HTT: variants seen among roughly 807,000 people sequenced by gnomAD.
HTT encodes huntingtin.
A neutral mutation model predicts 362.3 loss-of-function variants in HTT; 104 were observed. The ratio of observed to expected loss-of-function variants is 0.29; its 90% CI spans 0.24 to 0.34. The LOEUF (loss-of-function observed/expected upper bound fraction) is 0.34, where lower values mean the gene tolerates loss of function less well. Ranked by LOEUF, HTT falls within the 10% of genes least tolerant of loss-of-function variation. The pLI is 1.00. For missense variants in HTT, 3,301 were observed against 3,928.6 expected, an observed-to-expected ratio of 0.84 and a Z score of 4.27; for synonymous variants, 1,577 against 1,548.7, an observed-to-expected ratio of 1.02 and a Z score of -0.43.
intron 4 of HTT, 102 bp from the exon 5 acceptor site, chr4:3,105,255 T>C: frequency 1.3e-6 from 1 of 792,892 alleles, no homozygotes; most frequent in Non-Finnish European, 2.1e-6. Flanking sequence ...GCCTTTTCTC[T>C]AAAATTAGAA....
At chr4:3,107,232 G>A (rs1560550036) in intron 5 of HTT, 53 bp from the exon 6 acceptor site, 2 of 1,585,800 alleles carry the variant, frequency 1.3e-6, no homozygotes, top group Non-Finnish European at 1.7e-6. Context: ...AATTGCTTCT[G>A]TTTCTCCTGA....
chr4:3,165,613 T>A (rs932190037), intron 29 of HTT, among the ~76,000 whole-genome samples: 1 of 152,164 alleles, frequency 6.6e-6, no homozygotes, highest in African/African-American at 2.4e-5. Context: ...TTCATTTCTT[T>A]TCACTCTTTT....
Position 3,107,311 on chromosome 4 carries a change from G to T in HTT, c.635G>T (p.Cys212Phe). 2 of 1,614,246 alleles carry T rather than the reference G, an allele frequency of 1.2e-6. No homozygotes were observed. Among genetic ancestry groups the T allele is most frequent in the African/African-American group, 1.3e-5 (1 of 75,068 alleles). Residue 212 changes from cysteine (C) to phenylalanine (F), a missense_variant, in exon 6 of 67, where the codon TGC (cysteine) becomes TTC (phenylalanine). Around this residue, in one of 4 missense-constraint regions of HTT, gnomAD observed 2,316 missense variants for 2,658.5 expected, o/e 0.87. Transcript: ENST00000355072. ...CRPYLVNLLP[C>F]LTRTSKRPEE... ...CCTTACCTGGTGAACCTTCTGCCGT[G>T]CCTGACTCGAACAAGCAAGAGACCC... is the stretch of plus-strand genomic sequence containing the variant.
intron 26 of HTT, among the ~76,000 whole-genome samples, chr4:3,152,813 ATT>A (rs1181564097): frequency 1.7e-4 from 23 of 132,252 alleles, no homozygotes; most frequent in Admixed American, 1.5e-4. Flanking sequence ...TGCCTGGCTA[ATT>A]TTTTTTTTTT....
intron 24 of HTT, among the ~76,000 whole-genome samples, chr4:3,145,818 A>G (rs1716570925): frequency 6.6e-6 from 1 of 152,190 alleles, no homozygotes; most frequent in South Asian, 2.1e-4. Flanking sequence ...GTGTCAGCAA[A>G]TGACCAACTG....
intron 65 of HTT, 21 bp downstream of exon 65, chr4:3,238,630 G>A: frequency 1.3e-6 from 2 of 1,578,004 alleles, no homozygotes; most frequent in Admixed American, 3.5e-5. Flanking sequence ...ATGTGGGATG[G>A]GGATGGAGTG....
chr4:3,154,418 A>G lies in HTT; in HGVS notation c.3624A>G (p.Ala1208=). ...LSPKKGSEAS[A]ASRQSDTSGP... ...CCAAGAAAGGCAGTGAGGCCAGTGC[A>G]GGTAGGAAACAGCGTGGGGAAGGGA... The change falls in exon 27 of 67, where the codon GCA becomes GCG. Residue 1208 remains alanine, a splice_region_variant and synonymous_variant. Transcript: ENST00000355072. 6.2e-7 allele frequency: 1 copy of G among 1,613,672 alleles called. No individual in the cohort carries two copies. Among genetic ancestry groups the G allele is most frequent in the Middle Eastern group, 1.6e-4 (1 of 6,062 alleles).
At chr4:3,114,558 AC>A (rs1305548665) in intron 6 of HTT, among the ~76,000 whole-genome samples, 1 of 152,180 alleles carries the variant, frequency 6.6e-6, no homozygotes, top group Non-Finnish European at 1.5e-5. Context: ...AGAGTCCCCG[AC>A]TCATAGTGCT....
chr4:3,238,732 C>A, intron 65 of HTT, 86 bp from the exon 66 acceptor site: 1 of 850,906 alleles, frequency 1.2e-6, no homozygotes, highest in Non-Finnish European at 1.8e-6. Flanking sequence ...TGCCTCTGGC[C>A]CCCACCCCAC....
intron 40 of HTT, 29 bp downstream of exon 40, chr4:3,189,122 G>C (rs1425454022): frequency 6.2e-7 from 1 of 1,610,720 alleles, no homozygotes; most frequent in African/African-American, 1.3e-5. Context: ...TCTTCCTGGA[G>C]TGTCTCGTTC....
chr4:3,237,648 C>T (rs1455449348), intron 64 of HTT, among the ~76,000 whole-genome samples: 1 of 152,190 alleles, frequency 6.6e-6, no homozygotes, highest in Non-Finnish European at 1.5e-5. Context: ...GAGCGGCTGC[C>T]ATGCCACTGC....
intron 2 of HTT, among the ~76,000 whole-genome samples, chr4:3,093,158 C>T (rs745922107): frequency 5.3e-5 from 8 of 152,096 alleles, no homozygotes; most frequent in Non-Finnish European, 1.2e-4. Flanking sequence ...CTTGCTTGTG[C>T]GGAAATGACC....
intron 31 of HTT, among the ~76,000 whole-genome samples, chr4:3,173,445 A>G (rs1175764854): frequency 1.3e-5 from 2 of 152,176 alleles, no homozygotes; most frequent in African/African-American, 2.4e-5. Flanking sequence ...TCAGCAAACC[A>G]GAATGCAGTT....
intron 6 of HTT, chr4:3,112,960 C>G: frequency 1.0e-5 from 8 of 769,052 alleles, no homozygotes; most frequent in Non-Finnish European, 1.3e-5. Flanking sequence ...TTTCTGGAAT[C>G]ACATTATGAT....
rs1712427385 is a variant in HTT, at chr4:3,074,968, CTCCTCAGCT to C, written c.152_160del (p.Leu51_Gln53del). 2.7e-6 allele frequency: 4 copies of C among 1,480,980 alleles called. No homozygotes were observed. The highest frequency in any genetic ancestry group is 2.7e-6 in the Non-Finnish European group (3 of 1,116,590). The allele number at this position is 1,480,980 out of a possible 1,614,324, so 91.7% of individuals were successfully genotyped here. A position where few individuals can be genotyped will look rare whatever the true frequency, so the allele number is the denominator to read the frequency against. ...CCACCGCCGCCGCCGCCGCCGCCGC[CTCCTCAGCT>C]TCCTCAGCCGCCGCCGCAGGCACAG... On this transcript the variant is annotated inframe_deletion, in exon 1 of 67. Transcript: ENST00000355072.
intron 29 of HTT, among the ~76,000 whole-genome samples, chr4:3,170,008 A>G (rs1043996089): frequency 3.3e-5 from 5 of 152,180 alleles, no homozygotes; most frequent in Non-Finnish European, 4.4e-5. Context: ...CTTCTCTGCT[A>G]GTTCTAAGAT....
At chr4:3,156,645 A>G (rs1438441479) in intron 27 of HTT, among the ~76,000 whole-genome samples, 1 of 152,216 alleles carries the variant, frequency 6.6e-6, no homozygotes, top group East Asian at 1.9e-4. Context: ...CGGTTTAATG[A>G]TAATGTTTGT....
intron 40 of HTT, among the ~76,000 whole-genome samples, chr4:3,197,700 G>T (rs946563829): frequency 1.3e-5 from 2 of 152,186 alleles, no homozygotes; most frequent in Non-Finnish European, 2.9e-5. Flanking sequence ...GAGGCCCCAG[G>T]TAAGGTGCAT....
intron 9 of HTT, among the ~76,000 whole-genome samples, chr4:3,122,470 G>C (rs1560557156): frequency 6.6e-6 from 1 of 152,206 alleles, no homozygotes; most frequent in Non-Finnish European, 1.5e-5. Flanking sequence ...CCAGAACCAT[G>C]AGCAGGAAAT....
Sources: allele counts gnomAD v4.1 joint callset (sites outside exome capture counted in the v4.1 genomes callset), GRCh38; gene constraint gnomAD v4.1.1; regional missense constraint gnomAD v4.1.1; transcripts MANE v1.5; gene names NCBI Gene and HGNC (gene_info 2026-07-23, HGNC 2026-07-21).